Variants in EYA3 observed in about 807,000 individuals in gnomAD.
EYA3 encodes the protein EYA transcriptional coactivator and phosphatase 3, also known as protein phosphatase EYA3.
A neutral mutation model predicts 80.0 loss-of-function variants in EYA3; 39 were observed. That is an observed-to-expected ratio of 0.49 (90% CI 0.38 to 0.64). The LOEUF (loss-of-function observed/expected upper bound fraction) is 0.64, where lower values mean the gene tolerates loss of function less well. Among genes scored for constraint, EYA3 ranks in the 30% least tolerant of loss-of-function variants. The probability of loss-of-function intolerance (pLI) is 0.00; values close to 1 mark genes in which losing one functional copy is unlikely to be tolerated. For synonymous variants in EYA3, 206 were observed against 232.8 expected, an observed-to-expected ratio of 0.88 and a Z score of 1.05; for missense variants, 523 against 676.1, an observed-to-expected ratio of 0.77 and a Z score of 2.51.
intron 1 of EYA3, among the ~76,000 whole-genome samples, chr1:28,061,229 CA>C (rs1644612623): frequency 6.6e-6 from 1 of 152,078 alleles, no homozygotes; most frequent in Non-Finnish European, 1.5e-5. Flanking sequence ...CACTAATGAC[CA>C]CAAATTATGT....
intron 14 of EYA3, 114 bp downstream of exon 14, chr1:27,993,286 T>C (rs1640200008): frequency 2.6e-6 from 3 of 1,142,562 alleles, no homozygotes; most frequent in East Asian, 5.0e-5. Context: ...GTTTAACATA[T>C]AACTGTGGCA....
intron 1 of EYA3, among the ~76,000 whole-genome samples, chr1:28,081,206 A>G (rs1645416158): frequency 6.6e-6 from 1 of 152,238 alleles, no homozygotes; most frequent in Non-Finnish European, 1.5e-5. Flanking sequence ...CAAAAAATAC[A>G]TAGAAATGAA....
chr1:28,042,326 A>G (rs1443608626), intron 4 of EYA3, among the ~76,000 whole-genome samples: 1 of 152,104 alleles, frequency 6.6e-6, no homozygotes, highest in Non-Finnish European at 1.5e-5. Flanking sequence ...ATCCAATCTC[A>G]AAACAAAAAT....
rs1638827157 is a variant in EYA3, at chr1:27,974,180, C to T, written c.*286G>A. 2 of 224,930 alleles carry T rather than the reference C, an allele frequency of 8.9e-6. No homozygotes were observed. The highest frequency in any genetic ancestry group is 2.2e-5 in the African/African-American group (1 of 44,526). 13.9% of individuals were successfully genotyped at this position (224,930 alleles called of 1,614,324 possible). A position where few individuals can be genotyped will look rare whatever the true frequency, so the allele number is the denominator to read the frequency against. ...CCCTGCTTCTGTATGGAGATGAACACGGGGCTGCAGCTCACTCTTAGCAAA... is the reference window on the plus strand; with the variant it reads ...CCCTGCTTCTGTATGGAGATGAACATGGGGCTGCAGCTCACTCTTAGCAAA... On this transcript the variant is annotated 3_prime_UTR_variant, in exon 18 of 18. Coordinates refer to ENST00000373871, the MANE Select transcript of EYA3 (RefSeq NM_001990.4).
chr1:27,986,647 T>C (rs527459966), intron 16 of EYA3, among the ~76,000 whole-genome samples: 2 of 152,232 alleles, frequency 1.3e-5, no homozygotes, highest in Admixed American at 6.5e-5. Flanking sequence ...TCCACCTGCC[T>C]TGGCCTCCCA....
rs774026306 is a variant in EYA3, at chr1:28,048,333, A to C, written c.77+50T>G. On this transcript the variant is annotated intron_variant, in intron 3 of 17. Transcript: ENST00000373871. ...TACGCTAATCAGCATGTGAAAAAAA[A>C]AAACAAAACTTATGAGTAGTTCATT... The C allele has an allele frequency of 1.3e-5, 19 of 1,456,498 alleles. No individual in the cohort carries two copies. The Admixed American group carries it at 3.1e-4, about 23-fold the overall frequency. The allele number at this position is 1,456,498 out of a possible 1,614,324, so 90.2% of individuals were successfully genotyped here.
intron 9 of EYA3, among the ~76,000 whole-genome samples, chr1:28,012,620 T>C (rs986314230): frequency 1.3e-5 from 2 of 152,228 alleles, no homozygotes; most frequent in African/African-American, 2.4e-5. Context: ...CTGTAATTCA[T>C]TGATACACTT....
At chr1:27,988,444 T>C (rs1639811573) in intron 16 of EYA3, 91 bp downstream of exon 16, 2 of 1,419,910 alleles carry the variant, frequency 1.4e-6, no homozygotes, top group African/African-American at 2.9e-5. Flanking sequence ...AAATAAAGTG[T>C]CTAACAAGAG....
At chr1:28,063,865 T>C (rs948550067) in intron 1 of EYA3, among the ~76,000 whole-genome samples, 3 of 152,170 alleles carry the variant, frequency 2.0e-5, no homozygotes, top group Non-Finnish European at 4.4e-5. Flanking sequence ...GATTTAACAA[T>C]AGTGAAATCA....
Position 28,033,640 on chromosome 1 carries a change from G to GTATTATTAT in EYA3, c.361+1895_361+1903dup, listed in dbSNP as rs142552670. Among the ~76,000 whole-genome samples the GTATTATTAT allele has an allele frequency of 5.7e-5, 8 of 141,048 alleles. 1 individual carries two copies. The highest frequency in any genetic ancestry group is 4.5e-4 in the South Asian group (2 of 4,418). 92.5% of individuals were successfully genotyped at this position (141,048 alleles called of 152,430 possible). A position where few individuals can be genotyped will look rare whatever the true frequency, so the allele number is the denominator to read the frequency against. ...TTACAGAATTTTTTTCTTTTTTAAT[G>GTATTATTAT]TATTATTATTATTATTATTATTATT... On this transcript the variant is annotated intron_variant, in intron 6 of 17. Transcript: ENST00000373871.
intron 9 of EYA3, among the ~76,000 whole-genome samples, chr1:28,012,793 A>T (rs965191063): frequency 1.2e-4 from 19 of 152,218 alleles, no homozygotes; most frequent in African/African-American, 4.6e-4. Flanking sequence ...CTAAAACTGG[A>T]GTCCTCCAAC....
At chr1:27,979,930 A>G (rs1639185328) in intron 16 of EYA3, among the ~76,000 whole-genome samples, 1 of 152,230 alleles carries the variant, frequency 6.6e-6, no homozygotes. Context: ...TTGTGCAGAT[A>G]TGTAACTGCA....
At chr1:28,000,682 A>C (rs1402023463) in intron 11 of EYA3, among the ~76,000 whole-genome samples, 1 of 152,128 alleles carries the variant, frequency 6.6e-6, no homozygotes, top group East Asian at 1.9e-4. Flanking sequence ...TCATCTCAGC[A>C]CTTTGGGAGG....
At chr1:28,017,029 G>A in intron 8 of EYA3, 125 bp downstream of exon 8, 1 of 736,966 alleles carries the variant, frequency 1.4e-6, no homozygotes, top group Non-Finnish European at 2.3e-6. Flanking sequence ...AAGGTATCCA[G>A]AAAAAAGTCT....
intron 1 of EYA3, 139 bp from the exon 2 acceptor site, chr1:28,058,233 G>A (rs1232224061): frequency 1.4e-5 from 6 of 415,370 alleles, no homozygotes; most frequent in Admixed American, 7.9e-5. Flanking sequence ...AAACCTGCAC[G>A]TGGCTTTTCA....
chr1:28,024,325 T>C (rs1433924540), intron 7 of EYA3, among the ~76,000 whole-genome samples: 2 of 151,888 alleles, frequency 1.3e-5, no homozygotes, highest in African/African-American at 4.9e-5. Flanking sequence ...GATTATTGTG[T>C]GTTACCAATG....
At chr1:28,078,321 T>A (rs1158620462) in intron 1 of EYA3, among the ~76,000 whole-genome samples, 1 of 152,138 alleles carries the variant, frequency 6.6e-6, no homozygotes, top group Non-Finnish European at 1.5e-5. Context: ...ACAAGAACTT[T>A]CCCTACAGGT....
chr1:28,011,166 T>A (rs1322834962), intron 9 of EYA3, 80 bp from the exon 10 acceptor site: 2 of 1,452,772 alleles, frequency 1.4e-6, no homozygotes, highest in African/African-American at 2.8e-5. Context: ...TAGTGGACTC[T>A]CTGCCCTTGT....
At chr1:28,005,728 A>T (rs1167344346) in intron 10 of EYA3, among the ~76,000 whole-genome samples, 1 of 151,742 alleles carries the variant, frequency 6.6e-6, no homozygotes, top group Non-Finnish European at 1.5e-5. Flanking sequence ...AAAAACCCAA[A>T]AAACAAAAAA....
Sources: allele counts gnomAD v4.1 joint callset (sites outside exome capture counted in the v4.1 genomes callset), GRCh38; gene constraint gnomAD v4.1.1; transcripts MANE v1.5; gene names NCBI Gene and HGNC (gene_info 2026-07-23, HGNC 2026-07-21).